ATP1B1: variants seen among roughly 807,000 people sequenced by gnomAD.
ATP1B1 encodes the protein sodium/potassium-transporting ATPase subunit beta-1.
Under a neutral mutation model 39.6 loss-of-function variants are expected in ATP1B1, and 3 were observed. The observed-to-expected ratio is 0.08, with a 90% CI of 0.03 to 0.20. The LOEUF is 0.20. ATP1B1 is among the 10% of genes least tolerant of loss of function. The pLI is 1.00. For missense variants in ATP1B1, 216 were observed against 371.1 expected, an observed-to-expected ratio of 0.58 and a Z score of 3.43; for synonymous variants, 139 against 135.0, an observed-to-expected ratio of 1.03 and a Z score of -0.20.
In ATP1B1 at chr1:169,131,328, T is replaced by C. The variant is rs747684470; in HGVS notation, c.685T>C (p.Tyr229His). ...TAAGGATAAAGTTGGAAATGTGGAG[T>C]ATTTTGGACTGGGCAACTCCCCTGG... Reference protein sequence around the residue: ...EDKDKVGNVEYFGLGNSPGFP... With the variant: ...EDKDKVGNVEHFGLGNSPGFP... The change falls in exon 6 of 6, where the codon TAT (tyrosine) becomes CAT (histidine). Residue 229 changes from tyrosine to histidine, a missense_variant. Coordinates refer to ENST00000367815, the MANE Select transcript of ATP1B1 (RefSeq NM_001677.4). This position sits in a 1 kb window ranked among gnomAD's most constrained non-coding sequence, Gnocchi z 4.4. The C allele has an allele frequency of 1.4e-5, 23 of 1,613,556 alleles. No homozygotes were observed. Among genetic ancestry groups the C allele is most frequent in the Non-Finnish European group, 1.9e-5 (22 of 1,179,864 alleles).
At chr1:169,111,614 A>G (rs1377902171) in intron 2 of ATP1B1, 116 bp downstream of exon 2, 14 of 1,376,242 alleles carry the variant, frequency 1.0e-5, no homozygotes, top group Non-Finnish European at 1.3e-5. Flanking sequence ...AGCAACCATG[A>G]AAAGGGAAAA....
chr1:169,112,033 A>C (rs367551864), intron 2 of ATP1B1, among the ~76,000 whole-genome samples: 2 of 152,308 alleles, frequency 1.3e-5, no homozygotes, highest in Non-Finnish European at 2.9e-5. Context: ...TTAGGGGTCT[A>C]TTGTCCCACC....
chr1:169,131,510 C>T lies in ATP1B1; in HGVS notation c.867C>T (p.Asp289=), dbSNP rs772604662. The change falls in exon 6 of 6, where the codon GAC becomes GAT. Residue 289 remains aspartate, a synonymous_variant. Transcript: ENST00000367815. The surrounding 1 kb of genome is among the most constrained non-coding windows in gnomAD (Gnocchi z 4.4). ...YGENIGYSEK[D]RFQGRFDVKI... ...AGAACATTGGGTACAGTGAGAAAGA[C>T]CGTTTTCAGGGACGTTTTGATGTAA... The T allele has an allele frequency of 3.7e-6, 6 of 1,614,022 alleles. No individual in the cohort carries two copies. Among genetic ancestry groups the T allele is most frequent in the Non-Finnish European group, 5.1e-6 (6 of 1,180,010 alleles).
intron 4 of ATP1B1, among the ~76,000 whole-genome samples, 161 bp from the exon 5 acceptor site, chr1:169,129,849 T>C (rs1483836382): frequency 6.6e-6 from 1 of 152,204 alleles, no homozygotes; most frequent in East Asian, 1.9e-4. Flanking sequence ...GACCTTAAAT[T>C]GGTTAGGGGA....
intron 2 of ATP1B1, among the ~76,000 whole-genome samples, chr1:169,120,365 G>C (rs1429927758): frequency 6.6e-6 from 1 of 152,122 alleles, no homozygotes; most frequent in Admixed American, 6.5e-5. Context: ...GGTCATTAAG[G>C]CTTATGTTAG....
intron 2 of ATP1B1, among the ~76,000 whole-genome samples, chr1:169,115,185 CA>C (rs35200858): frequency 0.28 from 21,718 of 78,526 alleles, 1,951 homozygotes; most frequent in African/African-American, 0.4. Flanking sequence ...GACTCCATCT[CA>C]AAAAAAAAAA....
At chr1:169,130,123 GA>G in intron 5 of ATP1B1, 33 bp downstream of exon 5, 1 of 1,586,742 alleles carries the variant, frequency 6.3e-7, no homozygotes, top group Admixed American at 1.7e-5. Context: ...TGGGGTGGTG[GA>G]AGGGTAGGCA....
Position 169,111,452 on chromosome 1 carries a change from C to T in ATP1B1, c.180C>T (p.Thr60=). Residue 60 remains threonine, a synonymous_variant, in exon 2 of 6, where the codon ACC becomes ACT. Transcript: ENST00000367815. ...FIGTIQVMLL[T]ISEFKPTYQD... The stretch of plus-strand genomic sequence containing the variant: ...GAACCATCCAAGTGATGCTGCTCAC[C>T]ATCAGTGAATTTAAGCCCACATATC... 4.3e-6 allele frequency: 7 copies of T among 1,614,210 alleles called. No individual in the cohort carries two copies. The highest frequency in any genetic ancestry group is 5.9e-6 in the Non-Finnish European group (7 of 1,180,020).
At chr1:169,120,950 CTTTTTT>C (rs5778600) in intron 2 of ATP1B1, among the ~76,000 whole-genome samples, 1 of 134,862 alleles carries the variant, frequency 7.4e-6, no homozygotes, top group East Asian at 2.1e-4. Context: ...CTTTTCTTTT[CTTTTTT>C]TTTTTTTTTG....
chr1:169,129,245 T>A (rs1658151486), intron 4 of ATP1B1, among the ~76,000 whole-genome samples: 1 of 152,236 alleles, frequency 6.6e-6, no homozygotes. Context: ...ACATCAAGAC[T>A]CACTTGCTGT....
intron 2 of ATP1B1, among the ~76,000 whole-genome samples, chr1:169,114,874 ATTT>A (rs1478966164): frequency 6.6e-6 from 1 of 151,636 alleles, no homozygotes; most frequent in Non-Finnish European, 1.5e-5. Context: ...CACACAAAAA[ATTT>A]TTTTAAGTCT....
chr1:169,115,878 A>G (rs1041678932), intron 2 of ATP1B1, among the ~76,000 whole-genome samples: 3 of 152,272 alleles, frequency 2.0e-5, no homozygotes, highest in Admixed American at 1.3e-4. Flanking sequence ...CCTTTAACAA[A>G]CCCATGCTTG....
chr1:169,122,703 T>G (rs1397402423), intron 2 of ATP1B1, among the ~76,000 whole-genome samples: 1 of 151,210 alleles, frequency 6.6e-6, no homozygotes, highest in African/African-American at 2.4e-5. Context: ...GAAATTTTTG[T>G]CCCCCATAAT....
At chr1:169,120,732 AT>A (rs1264314308) in intron 2 of ATP1B1, among the ~76,000 whole-genome samples, 1 of 152,212 alleles carries the variant, frequency 6.6e-6, no homozygotes, top group Non-Finnish European at 1.5e-5. Flanking sequence ...ATCATGAGCT[AT>A]GCTTACTGAA....
intron 2 of ATP1B1, among the ~76,000 whole-genome samples, chr1:169,117,578 A>G (rs908501202): frequency 1.6e-5 from 2 of 128,424 alleles, no homozygotes; most frequent in African/African-American, 3.0e-5. Context: ...ATGGTGGGGG[A>G]AAAAAAAAAG....
chr1:169,126,234 C>T (rs1448348458), intron 3 of ATP1B1, among the ~76,000 whole-genome samples: 1 of 152,102 alleles, frequency 6.6e-6, no homozygotes, highest in East Asian at 1.9e-4. Flanking sequence ...AATTAAAAGG[C>T]CTGAGGGATA....
chr1:169,107,271 C>T (rs1244110373), intron 1 of ATP1B1, among the ~76,000 whole-genome samples: 1 of 151,134 alleles, frequency 6.6e-6, no homozygotes. Context: ...TTTGTCTCTC[C>T]CGTGTCCTGA....
intron 2 of ATP1B1, among the ~76,000 whole-genome samples, chr1:169,117,586 A>AG (rs1657879312): frequency 6.6e-6 from 1 of 152,114 alleles, no homozygotes; most frequent in Non-Finnish European, 1.5e-5. Flanking sequence ...GGAAAAAAAA[A>AG]AGCTGGATTT....
At chr1:169,119,326 C>A (rs986720773) in intron 2 of ATP1B1, among the ~76,000 whole-genome samples, 1 of 152,172 alleles carries the variant, frequency 6.6e-6, no homozygotes, top group Non-Finnish European at 1.5e-5. Context: ...ATGATCCTAT[C>A]AGAACAAAGC....
Sources: gnomAD v4.1 joint callset for allele counts (sites outside exome capture counted in the v4.1 genomes callset) on GRCh38, gnomAD v4.1.1 for gene constraint, Gnocchi (gnomAD v3.1) non-coding constraint, MANE v1.5 for transcripts, NCBI Gene and HGNC (gene_info 2026-07-23, HGNC 2026-07-21) for gene names.